Variants in LHFPL3 observed in about 807,000 individuals in gnomAD.
LHFPL3 encodes the protein LHFPL tetraspan subfamily member 3, also known as LHFPL tetraspan subfamily member 3 protein.
A neutral mutation model predicts 19.3 loss-of-function variants in LHFPL3; 5 were observed. That is an observed-to-expected ratio of 0.26 (90% CI 0.14 to 0.54). LHFPL3 has a LOEUF of 0.54. Among genes scored for constraint, LHFPL3 ranks in the 20% least tolerant of loss-of-function variants. LHFPL3 has a pLI of 0.94. For missense variants in LHFPL3, 249 were observed against 307.4 expected (o/e 0.81, Z 1.42); for synonymous variants, 133 against 126.2 (o/e 1.05, Z -0.36).
At chr7:104,569,197 T>C (rs911932719) in intron 1 of LHFPL3, among the ~76,000 whole-genome samples, 1 of 152,216 alleles carries the variant, frequency 6.6e-6, no homozygotes, top group African/African-American at 2.4e-5. Context: ...TTGGCCATGG[T>C]GTCTCTTATG....
chr7:104,522,948 G>A (rs1033310811), intron 1 of LHFPL3, among the ~76,000 whole-genome samples: 1 of 144,882 alleles, frequency 6.9e-6, no homozygotes, highest in Non-Finnish European at 1.5e-5. Context: ...GTCATCTGCT[G>A]TCTGTCTCTC....
chr7:104,711,911 A>C (rs1248612769), intron 1 of LHFPL3, among the ~76,000 whole-genome samples: 1 of 152,206 alleles, frequency 6.6e-6, no homozygotes, highest in African/African-American at 2.4e-5. Flanking sequence ...CATAAGTATC[A>C]AGAGCATAAC....
rs192389919 is a variant in LHFPL3 at position 104,807,127 on chromosome 7, A to T, written c.682+70216A>T. Among the ~76,000 whole-genome samples, 385 of 151,808 alleles carry T rather than the reference A, an allele frequency of 2.5e-3. 2 individuals carry two copies. The highest frequency in any genetic ancestry group is 9.0e-3 in the African/African-American group (371 of 41,354). ...ACAAAGTCCTCATGGAGGTAATCAA[A>T]ATTAAAGTAGGTCATGAGGGTGGGC... On this transcript the variant is annotated intron_variant, in intron 2 of 2. Transcript: ENST00000424859.
chr7:104,332,871 AAAT>A (rs1801596533), intron 1 of LHFPL3, among the ~76,000 whole-genome samples: 1 of 152,140 alleles, frequency 6.6e-6, no homozygotes, highest in African/African-American at 2.4e-5. Context: ...GGAGACATAA[AAAT>A]AATACATAAA....
intron 2 of LHFPL3, among the ~76,000 whole-genome samples, chr7:104,893,488 C>T (rs1792293230): frequency 6.6e-6 from 1 of 151,616 alleles, no homozygotes; most frequent in African/African-American, 2.4e-5. Flanking sequence ...CGCCACTATA[C>T]TCCAGCCTGG....
intron 1 of LHFPL3, among the ~76,000 whole-genome samples, chr7:104,675,541 G>A (rs1006461455): frequency 6.6e-6 from 1 of 152,138 alleles, no homozygotes; most frequent in African/African-American, 2.4e-5. Context: ...AAGGGGTGCA[G>A]GGAACAAAGG....
At chr7:104,585,470 AACACACACAAACAC>A (rs1790550414) in intron 1 of LHFPL3, among the ~76,000 whole-genome samples, 1 of 35,638 alleles carries the variant, frequency 2.8e-5, no homozygotes, top group South Asian at 1.3e-3. Context: ...GGAATAAGGC[AACACACACAAACAC>A]ACACACACAC....
At chr7:104,584,364 C>T (rs1484814269) in intron 1 of LHFPL3, among the ~76,000 whole-genome samples, 3 of 151,798 alleles carry the variant, frequency 2.0e-5, no homozygotes, top group African/African-American at 2.4e-5. Context: ...TGCTAAATGA[C>T]GACTTAATGG....
chr7:104,466,929 A>G lies in LHFPL3; in HGVS notation c.445+137705A>G, dbSNP rs1792798989. Among the ~76,000 whole-genome samples, 4 of 152,326 alleles carry G rather than the reference A, an allele frequency of 2.6e-5. No individual in the cohort carries two copies. The South Asian group carries it at 8.3e-4, about 32-fold the overall frequency. ...TGTTCCTTTAACCCTTCTTCCTGCCATAACTGTCTGTCTCTTTCCAAAGTG... is the reference window on the plus strand; with the variant it reads ...TGTTCCTTTAACCCTTCTTCCTGCCGTAACTGTCTGTCTCTTTCCAAAGTG... On this transcript the variant is annotated intron_variant, in intron 1 of 2. Transcript: ENST00000424859.
At chr7:104,430,388 A>ACGTG (rs1791944497) in intron 1 of LHFPL3, among the ~76,000 whole-genome samples, 1 of 50,054 alleles carries the variant, frequency 2.0e-5, no homozygotes, top group African/African-American at 1.1e-4. Flanking sequence ...ATATACATAT[A>ACGTG]TATATATATA....
intron 1 of LHFPL3, among the ~76,000 whole-genome samples, chr7:104,470,849 G>A (rs188265487): frequency 6.6e-6 from 1 of 152,058 alleles, no homozygotes; most frequent in East Asian, 1.9e-4. Context: ...TTTCATTCCA[G>A]CTCTCATTTC....
At chr7:104,489,740 A>G (rs985846545) in intron 1 of LHFPL3, among the ~76,000 whole-genome samples, 3 of 152,076 alleles carry the variant, frequency 2.0e-5, no homozygotes, top group African/African-American at 7.2e-5. Context: ...AAAACCGTAC[A>G]TGGATGATAT....
intron 1 of LHFPL3, among the ~76,000 whole-genome samples, chr7:104,659,728 A>G (rs992242145): frequency 3.9e-5 from 6 of 152,216 alleles, no homozygotes; most frequent in Non-Finnish European, 8.8e-5. Context: ...TCTCAAAATC[A>G]GGAAGGTATT....
chr7:104,377,968 C>G lies in LHFPL3; in HGVS notation c.445+48744C>G, dbSNP rs145331248. Reference sequence around the variant, plus strand: ...TGCAGCACTGCACTAGAATTTTGAACTCTTCCAAATGAAACTTTCTTTCTA... The same window carrying G: ...TGCAGCACTGCACTAGAATTTTGAAGTCTTCCAAATGAAACTTTCTTTCTA... On this transcript the variant is annotated intron_variant, in intron 1 of 2. Coordinates refer to ENST00000424859, the MANE Select transcript of LHFPL3 (RefSeq NM_199000.3). 2.6e-3 allele frequency among the ~76,000 whole-genome samples: 395 copies of G among 152,264 alleles called. 2 individuals carry two copies. The highest frequency in any genetic ancestry group is 8.5e-3 in the African/African-American group (352 of 41,558).
chr7:104,702,082 T>C (rs1241345923), intron 1 of LHFPL3, among the ~76,000 whole-genome samples: 1 of 152,114 alleles, frequency 6.6e-6, no homozygotes, highest in African/African-American at 2.4e-5. Context: ...TGTGTCCATG[T>C]ATTCTCATTG....
At chr7:104,886,951 A>C (rs1322158137) in intron 2 of LHFPL3, among the ~76,000 whole-genome samples, 1 of 152,228 alleles carries the variant, frequency 6.6e-6, no homozygotes, top group African/African-American at 2.4e-5. Context: ...AGGGAAAGGA[A>C]GACTAATGTG....
rs114064976 is a variant in LHFPL3 at position 104,905,115 on chromosome 7, G to A, written c.683-1072G>A. On this transcript the variant is annotated intron_variant, in intron 2 of 2. Coordinates refer to ENST00000424859, the MANE Select transcript of LHFPL3 (RefSeq NM_199000.3). ...GGACTACAGGCGCACCACCACACTC[G>A]GCTAATTTTTGTATGTTTTGTAGAG... 2.9e-3 allele frequency among the ~76,000 whole-genome samples: 437 copies of A among 151,932 alleles called. 2 individuals carry two copies. The highest frequency in any genetic ancestry group is 0.01 in the African/African-American group (416 of 41,430).
chr7:104,813,046 G>A (rs1214409472), intron 2 of LHFPL3, among the ~76,000 whole-genome samples: 2 of 151,590 alleles, frequency 1.3e-5, no homozygotes, highest in Non-Finnish European at 2.9e-5. Flanking sequence ...CCCAGGAGGC[G>A]GAGGTTGCAG....
chr7:104,450,587 G>T (rs896074333), intron 1 of LHFPL3, among the ~76,000 whole-genome samples: 24 of 152,180 alleles, frequency 1.6e-4, no homozygotes, highest in African/African-American at 5.8e-4. Flanking sequence ...GTGGGGGACT[G>T]GGGGAGGGAG....
Sources: gnomAD v4.1 joint callset for allele counts (sites outside exome capture counted in the v4.1 genomes callset) on GRCh38, gnomAD v4.1.1 for gene constraint, MANE v1.5 for transcripts, NCBI Gene and HGNC (gene_info 2026-07-23, HGNC 2026-07-21) for gene names.